MLIP: variants seen among roughly 807,000 people sequenced by gnomAD.
MLIP encodes muscular LMNA interacting protein, also known as muscular LMNA-interacting protein.
MLIP carries 79 observed loss-of-function variants against 84.8 expected under a neutral mutation model. The ratio of observed to expected loss-of-function variants is 0.93; its 90% CI spans 0.78 to 1.12. The LOEUF is 1.12. Ranked by LOEUF, MLIP falls within the 50% of genes most tolerant of loss-of-function variation. MLIP has a pLI of 0.00. For synonymous variants in MLIP, 504 were observed against 463.0 expected (o/e 1.09, Z -1.14); for missense variants, 1,257 against 1,160.6 (o/e 1.08, Z -1.21).
At chr6:54,195,425 T>C (rs1778225907) in intron 10 of MLIP, among the ~76,000 whole-genome samples, 1 of 152,006 alleles carries the variant, frequency 6.6e-6, no homozygotes, top group Non-Finnish European at 1.5e-5. Flanking sequence ...TTAGTGTTAG[T>C]TGAAGTTACT....
intron 9 of MLIP, among the ~76,000 whole-genome samples, chr6:54,186,423 C>T (rs1465210723): frequency 1.3e-5 from 2 of 152,130 alleles, no homozygotes; most frequent in South Asian, 2.1e-4. Context: ...CATAAGTAAT[C>T]CCTGGATGCC....
intron 3 of MLIP, among the ~76,000 whole-genome samples, chr6:54,127,144 T>C (rs1294175764): frequency 6.6e-6 from 1 of 152,186 alleles, no homozygotes; most frequent in African/African-American, 2.4e-5. Context: ...TAGCATCTCC[T>C]CTTAAAGATG....
At chr6:54,231,414 G>GTTT (rs1780990110) in intron 12 of MLIP, among the ~76,000 whole-genome samples, 1 of 152,092 alleles carries the variant, frequency 6.6e-6, no homozygotes, top group African/African-American at 2.4e-5. Flanking sequence ...ACTGTGTATA[G>GTTT]TAACGCGATG....
At chr6:54,240,882 G>A (rs535330032) in intron 12 of MLIP, among the ~76,000 whole-genome samples, 3 of 152,104 alleles carry the variant, frequency 2.0e-5, no homozygotes, top group Admixed American at 6.5e-5. Flanking sequence ...AGGCTGAGGC[G>A]GGAGAATCGC....
intron 11 of MLIP, among the ~76,000 whole-genome samples, chr6:54,228,050 G>A (rs1010153326): frequency 6.6e-6 from 1 of 151,954 alleles, no homozygotes. Context: ...GGGCGTGGTG[G>A]TGGGCGCCTG....
intron 1 of MLIP, among the ~76,000 whole-genome samples, chr6:54,026,620 A>G (rs909860815): frequency 2.6e-5 from 4 of 152,176 alleles, no homozygotes; most frequent in Admixed American, 6.5e-5. Flanking sequence ...GCATAATGGC[A>G]AAATGAGGAG....
Position 54,136,749 on chromosome 6 carries a change from C to G in MLIP, c.680C>G (p.Ala227Gly). 1 of 1,511,550 alleles carries G rather than the reference C, an allele frequency of 6.6e-7. No individual in the cohort carries two copies. The highest frequency in any genetic ancestry group is 8.9e-7 in the Non-Finnish European group (1 of 1,128,614). The allele number at this position is 1,511,550 out of a possible 1,614,324, so 93.6% of individuals were successfully genotyped here. Reference protein sequence around the residue: ...TSSPTTSEQLACKPPAFSFVS... With the variant: ...TSSPTTSEQLGCKPPAFSFVS... ...TCTCCCACTACCTCTGAGCAGCTTG[C>G]CTGTAAACCACCTGCTTTCTCCTTT... Residue 227 changes from alanine to glycine, a missense_variant, in exon 4 of 14, where the codon GCC becomes GGC. Ala to Gly is a moderately conservative substitution (Grantham distance 60, BLOSUM62 0). Coordinates refer to ENST00000502396, the MANE Select transcript of MLIP (RefSeq NM_001281747.2).
intron 11 of MLIP, chr6:54,216,502 A>G (rs529419504): frequency 2.0e-6 from 2 of 985,412 alleles, no homozygotes; most frequent in East Asian, 1.1e-4. Flanking sequence ...TTCCATGCTG[A>G]TCCATGCCAT....
At chr6:54,039,201 G>A (rs1764608752) in intron 1 of MLIP, among the ~76,000 whole-genome samples, 1 of 151,934 alleles carries the variant, frequency 6.6e-6, no homozygotes, top group South Asian at 2.1e-4. Flanking sequence ...AAAAGTTTAA[G>A]TGATTTAAGT....
At chr6:54,082,856 C>T (rs1014745350) in intron 1 of MLIP, among the ~76,000 whole-genome samples, 1 of 151,992 alleles carries the variant, frequency 6.6e-6, no homozygotes, top group African/African-American at 2.4e-5. Context: ...ACTTAATATA[C>T]TTTGACTTGC....
intron 1 of MLIP, among the ~76,000 whole-genome samples, chr6:54,118,536 A>G (rs768996307): frequency 6.6e-6 from 1 of 152,250 alleles, no homozygotes; most frequent in Non-Finnish European, 1.5e-5. Context: ...AAACACTTAA[A>G]TGTAAGACCA....
chr6:54,125,891 C>T (rs868280046), intron 3 of MLIP, among the ~76,000 whole-genome samples: 1 of 151,726 alleles, frequency 6.6e-6, no homozygotes, highest in Non-Finnish European at 1.5e-5. Flanking sequence ...GGTGCCACAC[C>T]ATCTTTATTT....
intron 9 of MLIP, among the ~76,000 whole-genome samples, chr6:54,174,091 G>T (rs1160110403): frequency 1.3e-5 from 2 of 151,946 alleles, no homozygotes; most frequent in Admixed American, 1.3e-4. Context: ...AGGCTGAATA[G>T]TACTCCATTG....
At position 54,036,241 on chromosome 6, in the gene MLIP, GTTTTT is replaced by G. The variant is rs10558454; in HGVS notation, c.63+17163_63+17167del. ...CCTGTGATTTTAGTTAGTCACCACT[GTTTTT>G]TTTTTTTTTTTTAAATCTCCTTAAG... On this transcript the variant is annotated intron_variant, in intron 1 of 12. Transcript: ENST00000274897. Among the ~76,000 whole-genome samples the G allele has an allele frequency of 9.9e-5, 14 of 141,670 alleles. No homozygotes were observed. In the East Asian group the frequency reaches 1.0e-3, roughly 10 times the overall value. The allele number at this position is 141,670 out of a possible 152,430, so 92.9% of individuals were successfully genotyped here. A position where few individuals can be genotyped will look rare whatever the true frequency, so the allele number is the denominator to read the frequency against.
chr6:54,230,699 C>T lies in MLIP; in HGVS notation c.2719-15C>T. On this transcript the variant is annotated splice_polypyrimidine_tract_variant and intron_variant, in intron 11 of 13. Transcript: ENST00000502396. ...TATGCTAACATCCTCTTATGCCTTT[C>T]TTCTTCCCCACCAGGATGTAACAGT... is the stretch of plus-strand genomic sequence containing the variant. 6.2e-7 allele frequency: 1 copy of T among 1,612,860 alleles called. No individual in the cohort carries two copies. The highest frequency in any genetic ancestry group is 8.5e-7 in the Non-Finnish European group (1 of 1,179,150).
At chr6:54,169,309 A>T (rs146574920) in intron 8 of MLIP, among the ~76,000 whole-genome samples, 50 of 151,896 alleles carry the variant, frequency 3.3e-4, no homozygotes, top group Middle Eastern at 3.4e-3. Flanking sequence ...TGACATCATC[A>T]ATAAATAAGG....
chr6:54,169,347 AG>A (rs987365706), intron 8 of MLIP, among the ~76,000 whole-genome samples, 180 bp from the exon 9 acceptor site: 4 of 151,832 alleles, frequency 2.6e-5, no homozygotes, highest in African/African-American at 9.7e-5. Context: ...TGATAAAGTC[AG>A]TGAGAAGAAT....
intron 10 of MLIP, among the ~76,000 whole-genome samples, chr6:54,192,283 C>G (rs1425753052): frequency 2.6e-5 from 4 of 151,640 alleles, no homozygotes; most frequent in African/African-American, 9.7e-5. Flanking sequence ...GGATTATTAT[C>G]AAGTAAGCAT....
intron 9 of MLIP, among the ~76,000 whole-genome samples, chr6:54,188,480 C>CT (rs770326553): frequency 6.6e-6 from 1 of 151,676 alleles, no homozygotes; most frequent in Admixed American, 6.6e-5. Context: ...ACTCTTTAAG[C>CT]TTTTTTTGTT....
Sources: allele counts gnomAD v4.1 joint callset (sites outside exome capture counted in the v4.1 genomes callset), GRCh38; gene constraint gnomAD v4.1.1; transcripts MANE v1.5; gene names NCBI Gene and HGNC (gene_info 2026-07-23, HGNC 2026-07-21).